The following VPS35 variants were observed in gnomAD, a reference collection of about 807,000 sequenced individuals.
VPS35 encodes vacuolar protein sorting-associated protein 35.
In VPS35, 21 loss-of-function variants were observed where a neutral mutation model predicts 98.1. The ratio of observed to expected loss-of-function variants is 0.21; its 90% confidence interval spans 0.15 to 0.31. The LOEUF (loss-of-function observed/expected upper bound fraction) is 0.31. Ranked by LOEUF, VPS35 falls within the 10% of genes least tolerant of loss-of-function variation. VPS35 has a pLI of 1.00. For synonymous variants in VPS35, 268 were observed against 318.2 expected, an observed-to-expected ratio of 0.84 and a Z score of 1.68; for missense variants, 554 against 950.8, an observed-to-expected ratio of 0.58 and a Z score of 5.49.
In VPS35 at chr16:46,666,268, AT is replaced by A. The variant is rs747687406; in HGVS notation, c.1647+2661del. 7.1e-3 allele frequency among the ~76,000 whole-genome samples: 941 copies of A among 132,354 alleles called. 1 individual carries two copies. Among genetic ancestry groups the A allele is most frequent in the Middle Eastern group, 0.049 (11 of 226 alleles). 86.8% of individuals were successfully genotyped at this position (132,354 alleles called of 152,430 possible). A position where few individuals can be genotyped will look rare whatever the true frequency, so the allele number is the denominator to read the frequency against. On this transcript the variant is annotated intron_variant, in intron 13 of 16. Coordinates refer to ENST00000299138, the MANE Select transcript of VPS35 (RefSeq NM_018206.6). ...ACCACCACGCCTGGCTAATTTTTTAATTTTTTTTTTTTTTTTTTAGACGGAG... is the reference window on the plus strand; with the variant it reads ...ACCACCACGCCTGGCTAATTTTTTAATTTTTTTTTTTTTTTTTAGACGGAG...
rs374122403 is a variant in VPS35, at chr16:46,683,653, C to T, written c.4-47G>A. 7 of 1,494,954 alleles carry T rather than the reference C, an allele frequency of 4.7e-6. No homozygotes were observed. The African/African-American group carries it at 8.2e-5, about 18-fold the overall frequency. 92.6% of individuals were successfully genotyped at this position (1,494,954 alleles called of 1,614,324 possible). A position where few individuals can be genotyped will look rare whatever the true frequency, so the allele number is the denominator to read the frequency against. ...TGATGTCTCAAGCACATTCTTCTAG[C>T]AAGTACGTTATTTCTATAGTTCTAG... On this transcript the variant is annotated intron_variant, in intron 1 of 16. Coordinates refer to ENST00000299138, the MANE Select transcript of VPS35 (RefSeq NM_018206.6).
intron 5 of VPS35, among the ~76,000 whole-genome samples, chr16:46,680,262 G>T (rs1400788167): frequency 6.6e-6 from 1 of 152,142 alleles, no homozygotes; most frequent in African/African-American, 2.4e-5. Flanking sequence ...ATATTCCAAG[G>T]TAACTAGCAG....
chr16:46,688,822 C>T, intron 1 of VPS35: 1 of 1,377,596 alleles, frequency 7.3e-7, no homozygotes, highest in East Asian at 2.7e-5. Flanking sequence ...AGGCAGGTGA[C>T]CGATTCCACT....
rs773110975 is a variant in VPS35, at chr16:46,677,323, T to C, written c.796A>G (p.Ile266Val). 3.7e-6 allele frequency: 6 copies of C among 1,613,574 alleles called. No homozygotes were observed. The highest frequency in any genetic ancestry group is 1.1e-5 in the South Asian group (1 of 91,072). The change falls in exon 7 of 17, where the codon ATT becomes GTT. Residue 266 changes from isoleucine to valine, a missense_variant. Transcript: ENST00000299138. The stretch of plus-strand genomic sequence containing the variant: ...GAAATGTTCCCAGCTACCTGAATAA[T>C]ACACTCCATGAGATATTCTTGAGCC... ...ALAQEYLMEC[I>V]IQVFPDEFHL...
Position 46,661,592 on chromosome 16 carries a change from A to C in VPS35, c.2211+126T>G. 1.1e-6 allele frequency: 1 copy of C among 920,940 alleles called. No homozygotes were observed. The highest frequency in any genetic ancestry group is 1.7e-6 in the Non-Finnish European group (1 of 599,260). The allele number at this position is 920,940 out of a possible 1,614,324, so 57.0% of individuals were successfully genotyped here. On this transcript the variant is annotated intron_variant, in intron 16 of 16. Transcript: ENST00000299138. The surrounding 1 kb of genome is among the most constrained non-coding windows in gnomAD (Gnocchi z 4.3). ...GCCTATTATTTGACATCTGTAAATTATTTTACATTTTTCAAATGAACAGTG... is the reference window on the plus strand; with the variant it reads ...GCCTATTATTTGACATCTGTAAATTCTTTTACATTTTTCAAATGAACAGTG...
chr16:46,688,405 G>A, intron 1 of VPS35: 2 of 987,016 alleles, frequency 2.0e-6, no homozygotes, highest in African/African-American at 1.7e-5. Context: ...CGTCATAGAC[G>A]GGCCCTAAGG....
chr16:46,670,873 GAC>G (rs1358498865), intron 12 of VPS35, among the ~76,000 whole-genome samples: 1 of 152,176 alleles, frequency 6.6e-6, no homozygotes, highest in Non-Finnish European at 1.5e-5. Flanking sequence ...AAAGGGATGA[GAC>G]AGTCAGGACA....
intron 16 of VPS35, 65 bp from the exon 17 acceptor site, chr16:46,660,716 T>TTA: frequency 7.4e-7 from 1 of 1,345,252 alleles, no homozygotes; most frequent in South Asian, 1.2e-5. Flanking sequence ...GGCAATTTAA[T>TTA]AAAACTGTTT....
chr16:46,673,513 T>C (rs1401918667), intron 10 of VPS35: 4 of 152,248 alleles, frequency 2.6e-5, no homozygotes, highest in African/African-American at 9.7e-5. Context: ...GCCAGAGCAG[T>C]GGGGAACAGG....
Position 46,669,072 on chromosome 16 carries a change from GA to G in VPS35, c.1525-21del, listed in dbSNP as rs185098674. 53,178 of 1,610,794 alleles carry G rather than the reference GA, an allele frequency of 0.033. 1,069 individuals are homozygous for G. The highest frequency in any genetic ancestry group is 0.038 in the Non-Finnish European group (44,750 of 1,178,216). On this transcript the variant is annotated intron_variant, in intron 12 of 16. Transcript: ENST00000299138. ...CAAAATCTGACCCAAAAGCATTAAA[GA>G]AAAAAAAATTTCCAAACTCTGATTA...
In VPS35 at chr16:46,660,305, G is replaced by C. The variant is rs563219537; in HGVS notation, c.*167C>G. 1 of 582,398 alleles carries C rather than the reference G, an allele frequency of 1.7e-6. No homozygotes were observed. Among genetic ancestry groups the C allele is most frequent in the Non-Finnish European group, 2.9e-6 (1 of 348,674 alleles). 36.1% of individuals were successfully genotyped at this position (582,398 alleles called of 1,614,324 possible). ...CTTACCAAGTGAATAATTTTATTAAGGTCCTGAAGGTGAGTGTCCGGAGGT... is the reference window on the plus strand; with the variant it reads ...CTTACCAAGTGAATAATTTTATTAACGTCCTGAAGGTGAGTGTCCGGAGGT... On this transcript the variant is annotated 3_prime_UTR_variant, in exon 17 of 17. Coordinates refer to ENST00000299138, the MANE Select transcript of VPS35 (RefSeq NM_018206.6).
At chr16:46,689,006 G>A (rs555565705) in intron 1 of VPS35, 125 bp downstream of exon 1, 1 of 1,548,262 alleles carries the variant, frequency 6.5e-7, no homozygotes, top group Non-Finnish European at 8.7e-7. Context: ...AGGCCAAATC[G>A]GGCTGGTCTT....
chr16:46,662,517 C>T lies in VPS35; in HGVS notation c.1828-35G>A. ...ATAAAGCAGAAAGGACTTTCAAGGA[C>T]CAACCATCCTCTAGTTGAGCATTTT... On this transcript the variant is annotated intron_variant, in intron 14 of 16. Coordinates refer to ENST00000299138, the MANE Select transcript of VPS35 (RefSeq NM_018206.6). 3 of 1,610,532 alleles carry T rather than the reference C, an allele frequency of 1.9e-6. No individual in the cohort carries two copies. In the African/African-American group the frequency reaches 4.0e-5, roughly 21 times the overall value.
At chr16:46,671,677 C>T in intron 12 of VPS35, 28 bp downstream of exon 12, 2 of 1,613,840 alleles carry the variant, frequency 1.2e-6, no homozygotes, top group South Asian at 1.1e-5. Flanking sequence ...GGAGCTGATA[C>T]AGGGATATAC....
intron 7 of VPS35, 143 bp from the exon 8 acceptor site, chr16:46,676,835 T>C: frequency 1.4e-6 from 1 of 692,836 alleles, no homozygotes; most frequent in Non-Finnish European, 2.6e-6. Flanking sequence ...ACCTCTCTAC[T>C]AAACATAAGC....
chr16:46,671,326 G>A (rs928643895), intron 12 of VPS35, among the ~76,000 whole-genome samples: 8 of 151,872 alleles, frequency 5.3e-5, no homozygotes, highest in South Asian at 2.1e-4. Context: ...AATAATTATC[G>A]GCACTCAAGC....
intron 8 of VPS35, 116 bp from the exon 9 acceptor site, chr16:46,674,776 T>G: frequency 1.0e-6 from 1 of 993,722 alleles, no homozygotes; most frequent in Non-Finnish European, 1.5e-6. Context: ...CCCAAAAGGT[T>G]TTTGTTTTTT....
intron 11 of VPS35, 118 bp downstream of exon 11, chr16:46,672,147 G>T: frequency 1.1e-6 from 1 of 895,472 alleles, no homozygotes; most frequent in East Asian, 2.7e-5. Flanking sequence ...TAATGAAAAA[G>T]TTACTTGTAA....
intron 11 of VPS35, 137 bp downstream of exon 11, chr16:46,672,128 T>C: frequency 1.2e-6 from 1 of 811,414 alleles, no homozygotes; most frequent in South Asian, 1.7e-5. Context: ...CTCCAATTTT[T>C]AATTTATATA....
Sources: allele counts gnomAD v4.1 joint callset (sites outside exome capture counted in the v4.1 genomes callset), GRCh38; gene constraint gnomAD v4.1.1; non-coding constraint Gnocchi (gnomAD v3.1); transcripts MANE v1.5; gene names NCBI Gene and HGNC (gene_info 2026-07-23, HGNC 2026-07-21).